The following L3MBTL4 variants were observed in gnomAD, a reference collection of about 807,000 sequenced individuals.
L3MBTL4 encodes the protein L3MBTL histone methyl-lysine binding protein 4, also known as lethal(3)malignant brain tumor-like protein 4.
Under a neutral mutation model 84.5 loss-of-function variants are expected in L3MBTL4, and 70 were observed. The observed-to-expected ratio is 0.83, with a 90% CI of 0.68 to 1.01. The LOEUF (loss-of-function observed/expected upper bound fraction) is 1.01. Ranked by LOEUF, L3MBTL4 falls within the 50% of genes least tolerant of loss-of-function variation. L3MBTL4 has a pLI of 0.00. For missense variants in L3MBTL4, 715 were observed against 754.8 expected, an observed-to-expected ratio of 0.95 and a Z score of 0.62; for synonymous variants, 274 against 259.8, an observed-to-expected ratio of 1.05 and a Z score of -0.52.
At chr18:6,085,507 A>T (rs1171602465) in intron 15 of L3MBTL4, among the ~76,000 whole-genome samples, 1 of 152,238 alleles carries the variant, frequency 6.6e-6, no homozygotes, top group African/African-American at 2.4e-5. Flanking sequence ...GTGTCAAGGT[A>T]GAGACGAGGT....
At chr18:6,338,600 T>A (rs1343459057) in intron 1 of L3MBTL4, among the ~76,000 whole-genome samples, 2 of 151,870 alleles carry the variant, frequency 1.3e-5, no homozygotes, top group Admixed American at 6.6e-5. Context: ...CAAAAGAATG[T>A]ATCAAGTAGA....
At chr18:5,966,956 G>T (rs1169777109) in intron 17 of L3MBTL4, among the ~76,000 whole-genome samples, 1 of 152,182 alleles carries the variant, frequency 6.6e-6, no homozygotes, top group African/African-American at 2.4e-5. Flanking sequence ...TTGAATCTGA[G>T]TTCTTTTCTT....
At chr18:5,972,684 G>A (rs7504577) in intron 16 of L3MBTL4, among the ~76,000 whole-genome samples, 1,768 of 152,134 alleles carry the variant, frequency 0.012, 18 homozygotes, top group Middle Eastern at 0.031. Flanking sequence ...ATTTTGGGGC[G>A]GGATAGTCAG....
chr18:6,076,755 T>A (rs2057867791), intron 16 of L3MBTL4, among the ~76,000 whole-genome samples: 1 of 152,218 alleles, frequency 6.6e-6, no homozygotes, highest in Non-Finnish European at 1.5e-5. Context: ...CAATTTTTAT[T>A]TTTCATTTTA....
At chr18:6,332,200 A>G (rs918608916) in intron 1 of L3MBTL4, among the ~76,000 whole-genome samples, 1 of 152,198 alleles carries the variant, frequency 6.6e-6, no homozygotes, top group Non-Finnish European at 1.5e-5. Context: ...ACAAGCCCTG[A>G]GCGAGTCAGA....
chr18:6,135,819 C>T (rs144908574), intron 14 of L3MBTL4, among the ~76,000 whole-genome samples: 2 of 152,366 alleles, frequency 1.3e-5, no homozygotes, highest in African/African-American at 4.8e-5. Flanking sequence ...GCCCTTTACA[C>T]AGTTCCAAAG....
At chr18:6,282,984 T>C (rs1450466375) in intron 4 of L3MBTL4, among the ~76,000 whole-genome samples, 1 of 152,200 alleles carries the variant, frequency 6.6e-6, no homozygotes, top group Non-Finnish European at 1.5e-5. Flanking sequence ...CTTGTGCTGC[T>C]GATGGGCAGT....
rs77449883 is a variant in L3MBTL4, at chr18:6,068,770, G to A, written c.1444+12111C>T. On this transcript the variant is annotated intron_variant, in intron 16 of 18. Transcript: ENST00000317931. ...GATCAGAGATGCTGCCTGATTGTTG[G>A]GGTAGAGGTGTAGACTTTCTTTACT... Among the ~76,000 whole-genome samples, 871 of 152,274 alleles carry A rather than the reference G, an allele frequency of 5.7e-3. 11 individuals carry two copies. Among genetic ancestry groups the A allele is most frequent in the African/African-American group, 0.02 (821 of 41,532 alleles).
At chr18:6,168,312 A>G (rs1041646081) in intron 13 of L3MBTL4, among the ~76,000 whole-genome samples, 1 of 152,230 alleles carries the variant, frequency 6.6e-6, no homozygotes, top group Admixed American at 6.5e-5. Flanking sequence ...TCTTCACAAA[A>G]TTGGAAAAAA....
At chr18:6,393,087 A>T (rs997039789) in intron 1 of L3MBTL4, among the ~76,000 whole-genome samples, 2 of 134,302 alleles carry the variant, frequency 1.5e-5, no homozygotes, top group Non-Finnish European at 3.3e-5. Context: ...TAAAAAAAAA[A>T]ATTTTAACTA....
intron 12 of L3MBTL4, among the ~76,000 whole-genome samples, chr18:6,184,772 G>C (rs1028458282): frequency 6.6e-6 from 1 of 152,144 alleles, no homozygotes; most frequent in African/African-American, 2.4e-5. Context: ...GGAGAAACGA[G>C]AGCTCCACCC....
At chr18:6,311,157 T>C (rs2050810961) in intron 3 of L3MBTL4, among the ~76,000 whole-genome samples, 1 of 151,954 alleles carries the variant, frequency 6.6e-6, no homozygotes, top group African/African-American at 2.4e-5. Flanking sequence ...TTGCTAGCTC[T>C]CTCTCGCTCT....
At chr18:6,064,581 AT>A (rs1568055094) in intron 16 of L3MBTL4, among the ~76,000 whole-genome samples, 1 of 133,846 alleles carries the variant, frequency 7.5e-6, no homozygotes, top group African/African-American at 2.8e-5. Context: ...CACCTCCTTG[AT>A]TAAGTATATT....
Position 6,171,909 on chromosome 18 carries a change from A to T in L3MBTL4, c.1015T>A (p.Tyr339Asn). 6.4e-7 allele frequency: 1 copy of T among 1,555,894 alleles called. No homozygotes were observed. Among genetic ancestry groups the T allele is most frequent in the Non-Finnish European group, 8.7e-7 (1 of 1,148,348 alleles). Residue 339 changes from tyrosine to asparagine, a missense_variant, in exon 13 of 19, where the codon TAC (tyrosine) becomes AAC (asparagine). Physicochemically the swap from Tyr to Asn is moderately radical, Grantham distance 143. Transcript: ENST00000317931. ...HFDGWDHKYD[Y>N]WVEADSPDIH... Reference sequence around the variant, plus strand: ...TCAGGGCTGTCTGCCTCCACCCAGTAGTCATACTTATGGTCCCAACCATCA... The same window carrying T: ...TCAGGGCTGTCTGCCTCCACCCAGTTGTCATACTTATGGTCCCAACCATCA...
intron 16 of L3MBTL4, among the ~76,000 whole-genome samples, chr18:6,062,052 T>A (rs1194174074): frequency 6.6e-6 from 1 of 152,016 alleles, no homozygotes; most frequent in Non-Finnish European, 1.5e-5. Flanking sequence ...TATTTTATGT[T>A]ACCTTTATTT....
chr18:6,196,637 G>A (rs746915685), intron 12 of L3MBTL4, among the ~76,000 whole-genome samples: 4 of 152,176 alleles, frequency 2.6e-5, no homozygotes, highest in Non-Finnish European at 5.9e-5. Context: ...AATGTCCAAA[G>A]CCTTTTAACT....
intron 15 of L3MBTL4, among the ~76,000 whole-genome samples, chr18:6,085,553 C>A (rs939962906): frequency 6.6e-6 from 1 of 152,194 alleles, no homozygotes; most frequent in African/African-American, 2.4e-5. Flanking sequence ...TTTCCCCATG[C>A]TGTTCTCATG....
At chr18:6,301,769 A>G (rs1568459638) in intron 4 of L3MBTL4, 134 bp downstream of exon 4, 9 of 736,346 alleles carry the variant, frequency 1.2e-5, no homozygotes, top group Non-Finnish European at 2.2e-5. Context: ...AGAGTATGCA[A>G]TACCCTGAAT....
chr18:6,100,082 G>A (rs992086151), intron 14 of L3MBTL4, among the ~76,000 whole-genome samples: 3 of 152,098 alleles, frequency 2.0e-5, no homozygotes, highest in Admixed American at 2.0e-4. Context: ...AGAGAAAATT[G>A]GAAGAAAGCT....
Sources: gnomAD v4.1 joint callset for allele counts (sites outside exome capture counted in the v4.1 genomes callset) on GRCh38, gnomAD v4.1.1 for gene constraint, MANE v1.5 for transcripts, NCBI Gene and HGNC (gene_info 2026-07-23, HGNC 2026-07-21) for gene names.